Variants in PCDHGA6 observed in about 807,000 individuals in gnomAD.
PCDHGA6 encodes protocadherin gamma-A6.
Under a neutral mutation model 60.6 loss-of-function variants are expected in PCDHGA6, and 41 were observed. That is an observed-to-expected ratio of 0.68 (90% CI 0.53 to 0.88). PCDHGA6 has a LOEUF of 0.88. Among genes scored for constraint, PCDHGA6 ranks in the 40% least tolerant of loss-of-function variants. The probability of loss-of-function intolerance (pLI) is 0.00; values close to 1 mark genes in which losing one functional copy is unlikely to be tolerated. For missense variants in PCDHGA6, 1,312 were observed against 1,203.0 expected, an observed-to-expected ratio of 1.09 and a Z score of -1.34; for synonymous variants, 594 against 524.4, an observed-to-expected ratio of 1.13 and a Z score of -1.81.
chr5:141,380,499 A>G (rs1185808520), intron 1 of PCDHGA6, among the ~76,000 whole-genome samples: 4 of 152,330 alleles, frequency 2.6e-5, no homozygotes, highest in East Asian at 1.9e-4. Flanking sequence ...GTCAACAATA[A>G]TATACACTCT....
intron 1 of PCDHGA6, chr5:141,383,853 G>C (rs942698942): frequency 1.2e-6 from 2 of 1,613,948 alleles, no homozygotes; most frequent in Middle Eastern, 3.3e-4. Flanking sequence ...ATGAAATGGA[G>C]GTTCAGGCTC....
At position 141,485,359 on chromosome 5, in the gene PCDHGA6, C is replaced by G. The variant is rs1233826208; in HGVS notation, c.2425-9448C>G. 6.2e-7 allele frequency: 1 copy of G among 1,614,026 alleles called. No individual in the cohort carries two copies. The highest frequency in any genetic ancestry group is 8.5e-7 in the Non-Finnish European group (1 of 1,180,018). On this transcript the variant is annotated intron_variant, in intron 1 of 3. Transcript: ENST00000517434. This position sits in a 1 kb window ranked among gnomAD's most constrained non-coding sequence, Gnocchi z 5.7. ...TGGATACGGACAGTCTGTCAGCTCG[C>G]AGGCTGCAGGTCGCTGGAGAGGTGA...
At position 141,376,483 on chromosome 5, in the gene PCDHGA6, G is replaced by T. The variant is rs139873493; in HGVS notation, c.2400G>T (p.Thr800=). The change falls in exon 1 of 4, where the codon ACG becomes ACT. Residue 800 remains threonine, a synonymous_variant. Coordinates refer to ENST00000517434, the MANE Select transcript of PCDHGA6 (RefSeq NM_018919.3). ...PLLITQDLLE[T]KGEPRQLQQA... ...TGATAACTCAGGATTTACTTGAAAC[G>T]AAAGGAGAACCCAGGCAACTTCAGG... 17,785 of 1,614,172 alleles carry T rather than the reference G, an allele frequency of 0.011. 127 individuals are homozygous for T. The highest frequency in any genetic ancestry group is 0.012 in the Non-Finnish European group (14,728 of 1,180,024).
intron 2 of PCDHGA6, 58 bp downstream of exon 2, chr5:141,494,923 G>T: frequency 6.2e-7 from 1 of 1,613,698 alleles, no homozygotes; most frequent in Non-Finnish European, 8.5e-7. Context: ...CAGGGATGAC[G>T]TGGGAGGAGA....
chr5:141,415,594 G>A (rs753362668), intron 1 of PCDHGA6: 1 of 1,613,866 alleles, frequency 6.2e-7, no homozygotes, highest in Non-Finnish European at 8.5e-7. Context: ...TCCTATAGAG[G>A]ATACCCCATT....
intron 1 of PCDHGA6, among the ~76,000 whole-genome samples, chr5:141,382,107 C>T (rs1777954814): frequency 6.6e-6 from 1 of 152,002 alleles, no homozygotes; most frequent in Non-Finnish European, 1.5e-5. Flanking sequence ...GGATTACAGG[C>T]GTGAGCAACA....
chr5:141,446,087 A>G (rs2154561251), intron 1 of PCDHGA6, among the ~76,000 whole-genome samples: 1 of 152,370 alleles, frequency 6.6e-6, no homozygotes, highest in Non-Finnish European at 1.5e-5. Flanking sequence ...GTAGAAATAA[A>G]TGGATGAATT....
chr5:141,395,016 G>GTGCC (rs1354536790), intron 1 of PCDHGA6: 2 of 1,613,950 alleles, frequency 1.2e-6, no homozygotes, highest in Non-Finnish European at 1.7e-6. Flanking sequence ...ATTGGTAGGC[G>GTGCC]TGCCTGCCTC....
intron 1 of PCDHGA6, chr5:141,392,938 G>T: frequency 6.2e-7 from 1 of 1,613,954 alleles, no homozygotes; most frequent in Non-Finnish European, 8.5e-7. Flanking sequence ...ACGGACAAAG[G>T]CTCCTTCGTG....
In PCDHGA6 at chr5:141,407,217, G is replaced by C. The variant is rs181833770; in HGVS notation, c.2424+30710G>C. 5.8e-3 allele frequency among the ~76,000 whole-genome samples: 885 copies of C among 151,964 alleles called. 4 individuals carry two copies. Among genetic ancestry groups the C allele is most frequent in the Non-Finnish European group, 9.1e-3 (620 of 67,966 alleles). ...TCAAACACGTTTTCCCCCTTAAGTG[G>C]GTAGCAAAAAAAATAAAGCATACTT... On this transcript the variant is annotated intron_variant, in intron 1 of 3. Transcript: ENST00000517434.
chr5:141,423,497 AG>A (rs1269176785), intron 1 of PCDHGA6: 1 of 1,613,940 alleles, frequency 6.2e-7, no homozygotes, highest in Non-Finnish European at 8.5e-7. Flanking sequence ...TATTCCCACG[AG>A]GTCTCTCTCA....
At chr5:141,390,266 A>C in intron 1 of PCDHGA6, 2 of 1,614,010 alleles carry the variant, frequency 1.2e-6, no homozygotes, top group East Asian at 4.5e-5. Context: ...ATTCCAGTGA[A>C]TTGACTTCCC....
intron 1 of PCDHGA6, chr5:141,398,414 G>A (rs373274513): frequency 1.2e-4 from 186 of 1,488,072 alleles, no homozygotes; most frequent in Non-Finnish European, 1.6e-4. Context: ...GAGGAGATAT[G>A]CGGGAAGAAG....
At chr5:141,488,738 ATGCAGGAAGT>A (rs771423337) in intron 1 of PCDHGA6, among the ~76,000 whole-genome samples, 1 of 152,222 alleles carries the variant, frequency 6.6e-6, no homozygotes, top group Non-Finnish European at 1.5e-5. Flanking sequence ...TTCTGAAGTC[ATGCAGGAAGT>A]TGCTGGGACA....
At position 141,432,540 on chromosome 5, in the gene PCDHGA6, T is replaced by A. The variant is rs147884705; in HGVS notation, c.2424+56033T>A. 7.6e-4 allele frequency: 1,222 copies of A among 1,613,608 alleles called. 1 individual carries two copies. The highest frequency in any genetic ancestry group is 1.1e-3 in the Admixed American group (64 of 59,988). ...TACCTGGTGACCAAGGTGGTGGCGG[T>A]GGACAGAGACTCCGGCCAGAACGCC... On this transcript the variant is annotated intron_variant, in intron 1 of 3. Transcript: ENST00000517434. This position sits in a 1 kb window ranked among gnomAD's most constrained non-coding sequence, Gnocchi z 6.0.
chr5:141,387,978 C>T, intron 1 of PCDHGA6: 1 of 1,487,640 alleles, frequency 6.7e-7, no homozygotes, highest in Non-Finnish European at 9.1e-7. Flanking sequence ...GCTCTGTGAG[C>T]AGATCCGCTA....
intron 1 of PCDHGA6, among the ~76,000 whole-genome samples, chr5:141,380,667 T>G (rs552117625): frequency 1.1e-4 from 16 of 152,362 alleles, no homozygotes; most frequent in African/African-American, 3.6e-4. Flanking sequence ...ATTTACTCCA[T>G]AGGGTATGTA....
intron 2 of PCDHGA6, among the ~76,000 whole-genome samples, chr5:141,496,888 TAA>T (rs35063790): frequency 6.7e-5 from 9 of 134,018 alleles, no homozygotes; most frequent in Non-Finnish European, 4.9e-5. Flanking sequence ...AAGTAACACT[TAA>T]AAAAAAAAAA....
intron 1 of PCDHGA6, chr5:141,427,833 G>T (rs1345567011): frequency 6.5e-7 from 1 of 1,540,964 alleles, no homozygotes; most frequent in Non-Finnish European, 8.9e-7. Flanking sequence ...CGCGCAGCGT[G>T]CCTTCGACCA....
Sources: gnomAD v4.1 joint callset for allele counts (sites outside exome capture counted in the v4.1 genomes callset) on GRCh38, gnomAD v4.1.1 for gene constraint, Gnocchi (gnomAD v3.1) non-coding constraint, MANE v1.5 for transcripts, NCBI Gene and HGNC (gene_info 2026-07-23, HGNC 2026-07-21) for gene names.